The following ASH1L variants were observed in gnomAD, a reference collection of about 807,000 sequenced individuals.
The protein encoded by ASH1L is ASH1 like histone lysine methyltransferase.
ASH1L carries 23 observed loss-of-function variants against 269.0 expected under a neutral mutation model. That is an observed-to-expected ratio of 0.09 (90% confidence interval 0.06 to 0.12). The LOEUF is 0.12. ASH1L is among the 10% of genes least tolerant of loss of function. The pLI, the probability that ASH1L is intolerant of heterozygous loss-of-function variation, is 1.00. For synonymous variants in ASH1L, 1,187 were observed against 1,253.5 expected, an observed-to-expected ratio of 0.95 and a Z score of 1.12; for missense variants, 2,912 against 3,567.8, an observed-to-expected ratio of 0.82 and a Z score of 4.68.
rs1156886922 is a variant in ASH1L, at chr1:155,480,269, A to G, written c.2601T>C (p.Ile867=). The change falls in exon 3 of 28, where the codon ATT becomes ATC. Residue 867 remains isoleucine (I), a synonymous_variant. Coordinates refer to ENST00000392403, the MANE Select transcript of ASH1L (RefSeq NM_018489.3). ...AAGGGATTTCAATTTCTGGCTGTAA[A>G]ATTGGGGGTTCTTGTTCTTCCTTAG... The part of the protein sequence containing the change: ...LQSKEEQEPP[I]LQPEIEIPSF... 6.2e-7 allele frequency: 1 copy of G among 1,614,122 alleles called. No individual in the cohort carries two copies. Among genetic ancestry groups the G allele is most frequent in the Non-Finnish European group, 8.5e-7 (1 of 1,180,010 alleles).
rs967758155 is a variant in ASH1L at position 155,531,202 on chromosome 1, G to GA, written c.-99-9585dup. Among the ~76,000 whole-genome samples, 643 of 132,496 alleles carry GA rather than the reference G, an allele frequency of 4.9e-3. 3 individuals carry two copies. Among genetic ancestry groups the GA allele is most frequent in the African/African-American group, 0.014 (481 of 35,202 alleles). The allele number at this position is 132,496 out of a possible 152,430, so 86.9% of individuals were successfully genotyped here. ...AAAACCCACAACATTTTACAATTTG[G>GA]AAAAAAAAAAAAAGAATTGCTTTTA... On this transcript the variant is annotated intron_variant, in intron 1 of 27. Coordinates refer to ENST00000392403, the MANE Select transcript of ASH1L (RefSeq NM_018489.3).
intron 12 of ASH1L, among the ~76,000 whole-genome samples, chr1:155,369,359 G>A (rs1409127058): frequency 6.6e-6 from 1 of 151,888 alleles, no homozygotes; most frequent in Admixed American, 6.6e-5. Context: ...AGGCAGGAGA[G>A]TGGCATGAAC....
Position 155,352,776 on chromosome 1 carries a change from A to G in ASH1L, c.7296T>C (p.Ile2432=), listed in dbSNP as rs1250051019. The change falls in exon 17 of 28, where the codon ATT becomes ATC. Residue 2432 remains isoleucine (I), a synonymous_variant. Coordinates refer to ENST00000392403, the MANE Select transcript of ASH1L (RefSeq NM_018489.3). ...CTAGGCGGGCTGCCCGAGCCACTTC[A>G]ATATTTTCCTCTGCAGCTGCCAACC... ...TRRLAAAEEN[I]EVARAARLAQ... is the part of the protein sequence containing the mutation. 1 of 1,614,204 alleles carries G rather than the reference A, an allele frequency of 6.2e-7. No individual in the cohort carries two copies. Among genetic ancestry groups the G allele is most frequent in the African/African-American group, 1.3e-5 (1 of 75,074 alleles).
At chr1:155,425,780 C>T (rs1254045345) in intron 5 of ASH1L, among the ~76,000 whole-genome samples, 1 of 151,812 alleles carries the variant, frequency 6.6e-6, no homozygotes, top group Non-Finnish European at 1.5e-5. Context: ...GGTTTCACCA[C>T]GTTGGCCAGG....
chr1:155,497,945 G>T (rs557409914), intron 2 of ASH1L, among the ~76,000 whole-genome samples: 2 of 151,640 alleles, frequency 1.3e-5, no homozygotes, highest in Non-Finnish European at 2.9e-5. Flanking sequence ...GTAGAGACAG[G>T]GTTTCACCGT....
At chr1:155,457,729 A>AG (rs1663966859) in intron 4 of ASH1L, among the ~76,000 whole-genome samples, 1 of 152,222 alleles carries the variant, frequency 6.6e-6, no homozygotes, top group Admixed American at 6.5e-5. Flanking sequence ...CTCACTACTC[A>AG]CAGCAACCCT....
intron 10 of ASH1L, among the ~76,000 whole-genome samples, chr1:155,376,006 A>T (rs1656404505): frequency 6.6e-6 from 1 of 152,178 alleles, no homozygotes; most frequent in South Asian, 2.1e-4. Flanking sequence ...CAGGAGGCTA[A>T]CATGGGAGGA....
chr1:155,441,566 C>A (rs1022910469), intron 4 of ASH1L, among the ~76,000 whole-genome samples: 1 of 143,870 alleles, frequency 7.0e-6, no homozygotes, highest in Non-Finnish European at 1.5e-5. Context: ...GGGTTCACAG[C>A]ATTCTCCTGC....
At chr1:155,423,791 C>T (rs770065984) in intron 5 of ASH1L, among the ~76,000 whole-genome samples, 1 of 152,230 alleles carries the variant, frequency 6.6e-6, no homozygotes, top group Middle Eastern at 3.4e-3. Context: ...AATGCAATGG[C>T]GTGATTCGGC....
intron 1 of ASH1L, among the ~76,000 whole-genome samples, chr1:155,532,543 T>G (rs1669736912): frequency 6.6e-6 from 1 of 152,136 alleles, no homozygotes; most frequent in African/African-American, 2.4e-5. Flanking sequence ...TGGTCTGGGC[T>G]GGGCGTGGTT....
At chr1:155,540,851 C>G (rs1364256208) in intron 1 of ASH1L, among the ~76,000 whole-genome samples, 1 of 152,150 alleles carries the variant, frequency 6.6e-6, no homozygotes, top group Non-Finnish European at 1.5e-5. Flanking sequence ...TTTCAGTTCC[C>G]AAATAACTGT....
chr1:155,485,255 C>CA (rs71080707), intron 2 of ASH1L, among the ~76,000 whole-genome samples: 16 of 139,330 alleles, frequency 1.1e-4, no homozygotes, highest in African/African-American at 2.8e-4. Flanking sequence ...GATTCCGTCT[C>CA]AAAAAAAAAA....
intron 3 of ASH1L, among the ~76,000 whole-genome samples, chr1:155,475,797 G>A (rs527391520): frequency 6.6e-6 from 1 of 152,220 alleles, no homozygotes; most frequent in Admixed American, 6.5e-5. Context: ...CTCAGTTTAG[G>A]ATCACCTTCT....
Position 155,480,930 on chromosome 1 carries a change from C to T in ASH1L, c.1940G>A (p.Ser647Asn), listed in dbSNP as rs774922908. 1 of 1,613,958 alleles carries T rather than the reference C, an allele frequency of 6.2e-7. No homozygotes were observed. Among genetic ancestry groups the T allele is most frequent in the South Asian group, 1.1e-5 (1 of 91,058 alleles). Residue 647 changes from serine (S) to asparagine (N), a missense_variant, in exon 3 of 28, where the codon AGC becomes AAC. By Grantham distance (46) the Ser-to-Asn change is conservative (BLOSUM62 1). Around this residue, in one of 13 missense-constraint regions of ASH1L, gnomAD observed 715 missense variants for 721.0 expected, o/e 0.99. Coordinates refer to ENST00000392403, the MANE Select transcript of ASH1L (RefSeq NM_018489.3). The stretch of plus-strand genomic sequence containing the variant: ...ACTTGGCTTTTTTCCAAGGGAAGAG[C>T]TTATTCTTGGAATATCTATATGGGT... ...KTTHIDIPRI[S>N]SSLGKKPSLT...
At chr1:155,451,963 C>T (rs1382661526) in intron 4 of ASH1L, among the ~76,000 whole-genome samples, 4 of 151,014 alleles carry the variant, frequency 2.6e-5, no homozygotes, top group Admixed American at 6.6e-5. Context: ...TCAGGTGATC[C>T]GCCTGCCTCA....
intron 5 of ASH1L, among the ~76,000 whole-genome samples, chr1:155,418,461 G>A (rs1197826352): frequency 6.6e-6 from 1 of 151,872 alleles, no homozygotes; most frequent in African/African-American, 2.4e-5. Context: ...AGAGATTAAA[G>A]AAAAGAATAA....
rs201284846 is a variant in ASH1L, at chr1:155,479,830, C to T, written c.3040G>A (p.Val1014Met). 6.2e-6 allele frequency: 10 copies of T among 1,614,058 alleles called. No individual in the cohort carries two copies. In the East Asian group the frequency reaches 2.2e-4, roughly 36 times the overall value. Residue 1014 changes from valine (V) to methionine (M), a missense_variant, in exon 3 of 28, where the codon GTG becomes ATG. Physicochemically the swap from Val to Met is conservative, Grantham distance 21 (BLOSUM62 1). Coordinates refer to ENST00000392403, the MANE Select transcript of ASH1L (RefSeq NM_018489.3). Reference protein sequence around the residue: ...SSVESSNKGKVQSKLHNTVSS... With the variant: ...SSVESSNKGKMQSKLHNTVSS... ...ACCGTATTATGGAGTTTGGATTGCA[C>T]TTTCCCTTTATTACTTGATTCTACA...
At chr1:155,391,146 A>G (rs1306340882) in intron 7 of ASH1L, among the ~76,000 whole-genome samples, 1 of 151,862 alleles carries the variant, frequency 6.6e-6, no homozygotes, top group Non-Finnish European at 1.5e-5. Flanking sequence ...GGGTTTTGCC[A>G]TGTTGGCCAG....
intron 27 of ASH1L, 65 bp downstream of exon 27, chr1:155,338,024 T>C: frequency 6.6e-7 from 1 of 1,504,908 alleles, no homozygotes; most frequent in Non-Finnish European, 9.0e-7. Context: ...TAATTACAAT[T>C]TTTTTCCATT....
Sources: gnomAD v4.1 joint callset for allele counts (sites outside exome capture counted in the v4.1 genomes callset) on GRCh38, gnomAD v4.1.1 for gene constraint, gnomAD v4.1.1 regional missense constraint, MANE v1.5 for transcripts, NCBI Gene and HGNC (gene_info 2026-07-23, HGNC 2026-07-21) for gene names.